The following FYN variants were observed in gnomAD, a reference collection of about 807,000 sequenced individuals.
FYN encodes the protein tyrosine-protein kinase Fyn.
In FYN, 10 loss-of-function variants were observed where a neutral mutation model predicts 70.2. The observed-to-expected ratio is 0.14, with a 90% CI of 0.09 to 0.24. The LOEUF (loss-of-function observed/expected upper bound fraction) is 0.24, where lower values mean the gene tolerates loss of function less well. Among genes scored for constraint, FYN ranks in the 10% least tolerant of loss-of-function variants. FYN has a pLI of 1.00. For synonymous variants in FYN, 236 were observed against 248.6 expected (o/e 0.95, Z 0.48); for missense variants, 319 against 673.1 (o/e 0.47, Z 5.82).
intron 1 of FYN, among the ~76,000 whole-genome samples, chr6:111,847,959 G>A (rs184221622): frequency 9.8e-5 from 15 of 152,298 alleles, no homozygotes; most frequent in African/African-American, 3.6e-4. Context: ...TCTGAGACAT[G>A]CTGTCCTGTC....
intron 2 of FYN, among the ~76,000 whole-genome samples, chr6:111,818,293 T>A (rs1772552872): frequency 6.6e-6 from 1 of 152,116 alleles, no homozygotes; most frequent in African/African-American, 2.4e-5. Context: ...GGGTGCAATA[T>A]CAATCCAGGT....
chr6:111,830,202 G>C (rs911484977), intron 2 of FYN, among the ~76,000 whole-genome samples: 1 of 152,168 alleles, frequency 6.6e-6, no homozygotes, highest in Admixed American at 6.5e-5. Flanking sequence ...GAAAATGTGA[G>C]ATGCCCAACG....
intron 3 of FYN, among the ~76,000 whole-genome samples, chr6:111,753,252 G>C (rs551060174): frequency 5.3e-4 from 81 of 152,220 alleles, no homozygotes; most frequent in Middle Eastern, 3.2e-3. Flanking sequence ...ACAGGGGTCA[G>C]AGAAGTGTGG....
chr6:111,700,037 C>T, intron 9 of FYN, 67 bp downstream of exon 9: 1 of 1,414,160 alleles, frequency 7.1e-7, no homozygotes, highest in Non-Finnish European at 9.8e-7. Context: ...TTTTCACCTT[C>T]CATCTTTGGT....
intron 12 of FYN, among the ~76,000 whole-genome samples, chr6:111,679,667 C>A (rs951014904): frequency 6.6e-6 from 1 of 152,168 alleles, no homozygotes; most frequent in Non-Finnish European, 1.5e-5. Context: ...ACCAGTGTCA[C>A]TGTCTGGATG....
intron 2 of FYN, among the ~76,000 whole-genome samples, chr6:111,784,198 G>A (rs1266869566): frequency 6.6e-6 from 1 of 152,178 alleles, no homozygotes; most frequent in Non-Finnish European, 1.5e-5. Context: ...CAGGGAAGCA[G>A]AGTGTAGGTT....
chr6:111,722,584 G>A (rs928324218), intron 3 of FYN, among the ~76,000 whole-genome samples: 1 of 152,124 alleles, frequency 6.6e-6, no homozygotes, highest in Admixed American at 6.5e-5. Context: ...TAGAGAATGT[G>A]AGACCTGAAT....
At chr6:111,840,743 A>T (rs1773333668) in intron 2 of FYN, among the ~76,000 whole-genome samples, 1 of 152,196 alleles carries the variant, frequency 6.6e-6, no homozygotes, top group African/African-American at 2.4e-5. Context: ...CTCTGCTCTT[A>T]AAAGTATTTA....
At chr6:111,700,789 G>A (rs1225099498) in intron 8 of FYN, among the ~76,000 whole-genome samples, 2 of 152,062 alleles carry the variant, frequency 1.3e-5, no homozygotes, top group Admixed American at 1.3e-4. Context: ...CTCTCTATAT[G>A]ACTATACTTA....
intron 5 of FYN, among the ~76,000 whole-genome samples, chr6:111,714,027 C>T (rs1045676691): frequency 6.6e-6 from 1 of 152,220 alleles, no homozygotes; most frequent in African/African-American, 2.4e-5. Flanking sequence ...TCACTTGAAA[C>T]TGTAGGTTTG....
chr6:111,809,787 T>C (rs929705203), intron 2 of FYN, among the ~76,000 whole-genome samples: 1 of 152,216 alleles, frequency 6.6e-6, no homozygotes, highest in African/African-American at 2.4e-5. Context: ...GATGGTCATA[T>C]AAATTTCTTT....
chr6:111,694,777 T>C lies in FYN; in HGVS notation c.1043-73A>G, dbSNP rs1799502829. On this transcript the variant is annotated intron_variant, in intron 10 of 13. Transcript: ENST00000354650. This position sits in a 1 kb window ranked among gnomAD's most constrained non-coding sequence, Gnocchi z 5.0. ...CCCAACAGAGAGCTGTATTTGGTTT[T>C]CTTATTAAAAGTAATAAGGTAGTCA... 1.5e-6 allele frequency: 2 copies of C among 1,359,392 alleles called. No individual in the cohort carries two copies. The highest frequency in any genetic ancestry group is 2.1e-6 in the Non-Finnish European group (2 of 974,982). 84.2% of individuals were successfully genotyped at this position (1,359,392 alleles called of 1,614,324 possible). A position where few individuals can be genotyped will look rare whatever the true frequency, so the allele number is the denominator to read the frequency against.
At chr6:111,727,457 C>A (rs1195632991) in intron 3 of FYN, among the ~76,000 whole-genome samples, 1 of 152,156 alleles carries the variant, frequency 6.6e-6, no homozygotes, top group Non-Finnish European at 1.5e-5. Flanking sequence ...AATGCCTCCA[C>A]CAAGCACAAA....
chr6:111,866,646 C>T (rs1171269409), intron 1 of FYN, among the ~76,000 whole-genome samples: 1 of 152,254 alleles, frequency 6.6e-6, no homozygotes, highest in East Asian at 1.9e-4. Flanking sequence ...CCGGCCCCAA[C>T]CCCATGCTCT....
chr6:111,794,683 G>A (rs184869357), intron 2 of FYN, among the ~76,000 whole-genome samples: 2 of 152,264 alleles, frequency 1.3e-5, no homozygotes, highest in Admixed American at 6.5e-5. Flanking sequence ...CTCAGTGCCC[G>A]TAAGTAAAGC....
intron 3 of FYN, among the ~76,000 whole-genome samples, chr6:111,755,689 A>AT (rs1166975942): frequency 6.6e-6 from 1 of 152,196 alleles, no homozygotes; most frequent in African/African-American, 2.4e-5. Flanking sequence ...ACCACAACAG[A>AT]TTTTTTAAGT....
chr6:111,709,244 A>G lies in FYN; in HGVS notation c.345-1224T>C, dbSNP rs145960345. Among the ~76,000 whole-genome samples, 186 of 150,168 alleles carry G rather than the reference A, an allele frequency of 1.2e-3. 1 individual carries two copies. In the East Asian group the frequency reaches 0.02, roughly 17 times the overall value. Reference sequence around the variant, plus strand: ...CTGTGTCAAAGCTTTCAGCCAGGGGAAAAAAAAAATGTGTTAGCTTCTGGC... The same window carrying G: ...CTGTGTCAAAGCTTTCAGCCAGGGGGAAAAAAAAATGTGTTAGCTTCTGGC... On this transcript the variant is annotated intron_variant, in intron 5 of 13. Coordinates refer to ENST00000354650, the MANE Select transcript of FYN (RefSeq NM_002037.5).
intron 2 of FYN, among the ~76,000 whole-genome samples, chr6:111,794,490 T>C (rs1583451210): frequency 6.6e-6 from 1 of 152,270 alleles, no homozygotes. Context: ...GCCAGAAGAC[T>C]GAGGCTCTAC....
At chr6:111,690,774 A>T (rs1055708944) in intron 12 of FYN, among the ~76,000 whole-genome samples, 1 of 152,240 alleles carries the variant, frequency 6.6e-6, no homozygotes, top group African/African-American at 2.4e-5. Context: ...AAACTGAGGT[A>T]GGCAAAAGTT....
Sources: allele counts gnomAD v4.1 joint callset (sites outside exome capture counted in the v4.1 genomes callset), GRCh38; gene constraint gnomAD v4.1.1; non-coding constraint Gnocchi (gnomAD v3.1); transcripts MANE v1.5; gene names NCBI Gene and HGNC (gene_info 2026-07-23, HGNC 2026-07-21).